ADARB2: variants seen among roughly 807,000 people sequenced by gnomAD.
The protein encoded by ADARB2 is inactive double-stranded RNA-specific editase B2.
Under a neutral mutation model 62.2 loss-of-function variants are expected in ADARB2, and 25 were observed. The observed-to-expected ratio is 0.40, with a 90% CI of 0.29 to 0.56. The LOEUF (loss-of-function observed/expected upper bound fraction) is 0.56. Ranked by LOEUF, ADARB2 falls within the 20% of genes least tolerant of loss-of-function variation. The pLI is 0.43. For missense variants in ADARB2, 1,071 were observed against 1,077.4 expected (o/e 0.99, Z 0.08); for synonymous variants, 572 against 500.8 (o/e 1.14, Z -1.90).
chr10:1,634,430 C>T (rs1029131966), intron 1 of ADARB2, among the ~76,000 whole-genome samples: 1 of 152,138 alleles, frequency 6.6e-6, no homozygotes, highest in African/African-American at 2.4e-5. Context: ...GAAACGTGGA[C>T]CCCCAGGGAC....
chr10:1,639,223 C>A (rs995183188), intron 1 of ADARB2, among the ~76,000 whole-genome samples: 1 of 152,106 alleles, frequency 6.6e-6, no homozygotes, highest in Non-Finnish European at 1.5e-5. Context: ...GGAAGCTGAC[C>A]GCATCCAGGA....
At chr10:1,473,949 G>C (rs558515366) in intron 1 of ADARB2, among the ~76,000 whole-genome samples, 1 of 149,174 alleles carries the variant, frequency 6.7e-6, no homozygotes, top group South Asian at 2.1e-4. Context: ...GCAGGGGACC[G>C]GGTAGTTTCT....
chr10:1,447,455 T>C (rs919364593), intron 1 of ADARB2, among the ~76,000 whole-genome samples: 1 of 152,186 alleles, frequency 6.6e-6, no homozygotes, highest in Non-Finnish European at 1.5e-5. Context: ...AGGATGTCAC[T>C]GTCATTCCAC....
chr10:1,582,817 C>T (rs1833124079), intron 1 of ADARB2, among the ~76,000 whole-genome samples: 1 of 152,218 alleles, frequency 6.6e-6, no homozygotes. Flanking sequence ...AGGCCCCATT[C>T]AGCACCCTCC....
Position 1,178,751 on chromosome 10 carries a change from A to AG in ADARB2, c.*4441dup, listed in dbSNP as rs1473384825. 6.6e-6 allele frequency: 1 copy of AG among 152,200 alleles called. No individual in the cohort carries two copies. The highest frequency in any genetic ancestry group is 1.5e-5 in the Non-Finnish European group (1 of 68,034). 9.4% of individuals were successfully genotyped at this position (152,200 alleles called of 1,614,324 possible). Reference sequence around the variant, plus strand: ...GCGAGCTCTGCAAAAACTGCAGGCGAGGACAGGCTTTGGAGGTATGTGGGA... The same window carrying AG: ...GCGAGCTCTGCAAAAACTGCAGGCGAGGGACAGGCTTTGGAGGTATGTGGGA... On this transcript the variant is annotated 3_prime_UTR_variant, in exon 10 of 10. Transcript: ENST00000381312.
intron 1 of ADARB2, among the ~76,000 whole-genome samples, chr10:1,417,289 A>C (rs1272303153): frequency 6.6e-6 from 1 of 151,462 alleles, no homozygotes; most frequent in Non-Finnish European, 1.5e-5. Context: ...ACTAGATAGG[A>C]AGTGCAGAAC....
At chr10:1,623,405 C>G (rs541618804) in intron 1 of ADARB2, among the ~76,000 whole-genome samples, 27 of 152,322 alleles carry the variant, frequency 1.8e-4, no homozygotes, top group Admixed American at 5.2e-4. Context: ...ACAGTAGTTT[C>G]TACTGTATAG....
At chr10:1,468,976 C>A (rs1034336365) in intron 1 of ADARB2, among the ~76,000 whole-genome samples, 14 of 152,202 alleles carry the variant, frequency 9.2e-5, no homozygotes, top group Non-Finnish European at 2.1e-4. Context: ...CCCAAGTGGC[C>A]CCGCTGGGCT....
rs371618685 is a variant in ADARB2, at chr10:1,335,505, AGATG to A, written c.1077+27519_1077+27522del. On this transcript the variant is annotated intron_variant, in intron 3 of 9. Transcript: ENST00000381312. The stretch of plus-strand genomic sequence containing the variant: ...AGGAATGGGGGAAGGGTAGAAGGAC[AGATG>A]GATGGATGGATGGATGGAGGGTTGG... 4.8e-5 allele frequency among the ~76,000 whole-genome samples: 7 copies of A among 145,500 alleles called. 1 individual carries two copies. The South Asian group carries it at 1.1e-3, about 23-fold the overall frequency.
At chr10:1,570,490 C>T (rs1175616990) in intron 1 of ADARB2, among the ~76,000 whole-genome samples, 5 of 152,128 alleles carry the variant, frequency 3.3e-5, no homozygotes, top group South Asian at 2.1e-4. Flanking sequence ...GCCTCCCTCC[C>T]GAGTGTGTCT....
Position 1,268,394 on chromosome 10 carries a change from A to G in ADARB2, c.1192+2561T>C, listed in dbSNP as rs543134989. 2.0e-5 allele frequency among the ~76,000 whole-genome samples: 3 copies of G among 152,346 alleles called. No individual in the cohort carries two copies. In the East Asian group the frequency reaches 5.8e-4, roughly 29 times the overall value. ...CATAAGTATATATTTCTGTGATTAT[A>G]TTTCTCATAATGGCTAAGAAATGGT... On this transcript the variant is annotated intron_variant, in intron 4 of 9. Transcript: ENST00000381312.
chr10:1,545,996 G>T (rs1832513493), intron 1 of ADARB2, among the ~76,000 whole-genome samples: 1 of 144,162 alleles, frequency 6.9e-6, no homozygotes, highest in South Asian at 2.3e-4. Flanking sequence ...CTCAGGAAAT[G>T]ACCCTTAGTC....
intron 1 of ADARB2, among the ~76,000 whole-genome samples, chr10:1,470,458 A>C (rs1326390461): frequency 6.6e-6 from 1 of 152,214 alleles, no homozygotes; most frequent in Non-Finnish European, 1.5e-5. Context: ...TGAAAATGTC[A>C]AATTAACAGA....
At chr10:1,458,948 C>T (rs1428050963) in intron 1 of ADARB2, among the ~76,000 whole-genome samples, 1 of 152,182 alleles carries the variant, frequency 6.6e-6, no homozygotes, top group Non-Finnish European at 1.5e-5. Flanking sequence ...AAAAGCTCAA[C>T]ATCACTGATC....
intron 1 of ADARB2, among the ~76,000 whole-genome samples, chr10:1,395,534 G>T (rs945961966): frequency 6.6e-6 from 1 of 152,320 alleles, no homozygotes; most frequent in East Asian, 1.9e-4. Flanking sequence ...GTGATGGGCC[G>T]CCAGGCACTT....
intron 3 of ADARB2, among the ~76,000 whole-genome samples, chr10:1,274,666 G>T (rs1273993944): frequency 6.6e-6 from 1 of 152,170 alleles, no homozygotes; most frequent in Non-Finnish European, 1.5e-5. Flanking sequence ...TTAGAGATGG[G>T]AAGACACACA....
At chr10:1,412,631 C>T (rs1023765947) in intron 1 of ADARB2, among the ~76,000 whole-genome samples, 1 of 152,102 alleles carries the variant, frequency 6.6e-6, no homozygotes, top group African/African-American at 2.4e-5. Flanking sequence ...AGGTAATCAA[C>T]TCAGGAGCAA....
intron 1 of ADARB2, among the ~76,000 whole-genome samples, chr10:1,424,633 C>T (rs918911558): frequency 1.3e-5 from 2 of 151,422 alleles, no homozygotes; most frequent in African/African-American, 2.4e-5. Flanking sequence ...CATGATGGTG[C>T]ATCAGGAGTT....
chr10:1,563,062 G>C (rs147310430), intron 1 of ADARB2, among the ~76,000 whole-genome samples: 1 of 151,616 alleles, frequency 6.6e-6, no homozygotes, highest in Non-Finnish European at 1.5e-5. Flanking sequence ...TGTGTCCTCC[G>C]CACGTGACCT....
Sources: allele counts gnomAD v4.1 joint callset (sites outside exome capture counted in the v4.1 genomes callset), GRCh38; gene constraint gnomAD v4.1.1; transcripts MANE v1.5; gene names NCBI Gene and HGNC (gene_info 2026-07-23, HGNC 2026-07-21).